Variants in RFTN2 observed in about 807,000 individuals in gnomAD.
RFTN2 encodes raftlin family member 2, also known as raftlin-2.
RFTN2 carries 34 observed loss-of-function variants against 52.7 expected under a neutral mutation model. That is an observed-to-expected ratio of 0.64 (90% CI 0.49 to 0.86). The LOEUF (loss-of-function observed/expected upper bound fraction) is 0.86, where lower values mean the gene tolerates loss of function less well. Among genes scored for constraint, RFTN2 ranks in the 40% least tolerant of loss-of-function variants. The pLI is 0.00. For missense variants in RFTN2, 536 were observed against 600.1 expected (o/e 0.89, Z 1.12); for synonymous variants, 203 against 217.7 (o/e 0.93, Z 0.59).
chr2:197,589,728 A>T (rs1574685645), intron 8 of RFTN2, among the ~76,000 whole-genome samples: 2 of 152,010 alleles, frequency 1.3e-5, no homozygotes, highest in Non-Finnish European at 2.9e-5. Context: ...CAATTGTGAG[A>T]GTCCTTGATA....
intron 8 of RFTN2, among the ~76,000 whole-genome samples, chr2:197,589,487 A>G (rs1422786552): frequency 1.3e-5 from 2 of 152,172 alleles, no homozygotes; most frequent in African/African-American, 2.4e-5. Flanking sequence ...GCAGCTGTGT[A>G]TGAGGGTTCT....
At chr2:197,627,053 C>A (rs1023525347) in intron 5 of RFTN2, among the ~76,000 whole-genome samples, 2 of 152,118 alleles carry the variant, frequency 1.3e-5, no homozygotes, top group Admixed American at 6.5e-5. Context: ...TGTTTAGGAC[C>A]CTGTAGGGAC....
intron 8 of RFTN2, among the ~76,000 whole-genome samples, chr2:197,577,184 C>G (rs1184627410): frequency 6.6e-6 from 1 of 152,226 alleles, no homozygotes; most frequent in African/African-American, 2.4e-5. Context: ...AAACTGTGCT[C>G]TGACAACCTT....
chr2:197,605,774 A>T (rs2087952259), intron 7 of RFTN2, among the ~76,000 whole-genome samples: 1 of 152,144 alleles, frequency 6.6e-6, no homozygotes, highest in African/African-American at 2.4e-5. Context: ...CTACCAACAG[A>T]TTAGTGCTGG....
intron 1 of RFTN2, among the ~76,000 whole-genome samples, chr2:197,669,540 G>A (rs2089113994): frequency 6.6e-6 from 1 of 152,190 alleles, no homozygotes; most frequent in African/African-American, 2.4e-5. Flanking sequence ...ACAGATGTGG[G>A]TGGGGAGTGG....
Position 197,675,432 on chromosome 2 carries a change from T to TTAG in RFTN2, c.26_27insCTA (p.Glu9delinsAspTer). 6.3e-7 allele frequency: 1 copy of TTAG among 1,597,636 alleles called. No individual in the cohort carries two copies. On this transcript the variant is annotated stop_gained and protein_altering_variant, in exon 1 of 9. Coordinates refer to ENST00000295049, the MANE Select transcript of RFTN2 (RefSeq NM_144629.3). LOFTEE classifies it high-confidence loss of function. ...TTCCAGGGCTGCTATCATCAGGGTCTTCTAGCTTTCTAAGTCCGCACCCCA... is the reference window on the plus strand; with the variant it reads ...TTCCAGGGCTGCTATCATCAGGGTCTTAGTCTAGCTTTCTAAGTCCGCACCCCA...
intron 8 of RFTN2, among the ~76,000 whole-genome samples, chr2:197,590,832 A>ACC (rs2087696990): frequency 1.3e-5 from 2 of 152,058 alleles, no homozygotes; most frequent in African/African-American, 4.8e-5. Context: ...GAAGCTGCAG[A>ACC]CCTTCGCAGT....
At chr2:197,624,745 G>C (rs766600373) in intron 5 of RFTN2, among the ~76,000 whole-genome samples, 3 of 152,012 alleles carry the variant, frequency 2.0e-5, no homozygotes, top group Non-Finnish European at 4.4e-5. Context: ...TGGATCACTT[G>C]AGTTCAGGAG....
chr2:197,634,609 T>C (rs565168850), intron 3 of RFTN2, among the ~76,000 whole-genome samples: 26 of 152,214 alleles, frequency 1.7e-4, no homozygotes, highest in African/African-American at 5.3e-4. Context: ...GATTAAATCC[T>C]ATCAGTTAAA....
chr2:197,659,209 G>A (rs750097569), intron 1 of RFTN2, among the ~76,000 whole-genome samples: 4 of 152,020 alleles, frequency 2.6e-5, no homozygotes, highest in Non-Finnish European at 5.9e-5. Context: ...AAATACTTAT[G>A]AAATATTAGG....
chr2:197,654,023 C>CA (rs2088859075), intron 1 of RFTN2, among the ~76,000 whole-genome samples: 2 of 152,136 alleles, frequency 1.3e-5, no homozygotes, highest in Admixed American at 1.3e-4. Flanking sequence ...CAAATAAATA[C>CA]AATGAAAAGA....
intron 1 of RFTN2, among the ~76,000 whole-genome samples, chr2:197,664,624 C>CA (rs1184950640): frequency 2.4e-4 from 36 of 148,176 alleles, no homozygotes; most frequent in Admixed American, 4.0e-4. Flanking sequence ...ACAAAAATTA[C>CA]AAAAAAAAAA....
chr2:197,662,916 G>A (rs2088999457), intron 1 of RFTN2, among the ~76,000 whole-genome samples: 1 of 152,052 alleles, frequency 6.6e-6, no homozygotes, highest in South Asian at 2.1e-4. Context: ...ATGAGCCACT[G>A]CACCTGGCCC....
At chr2:197,588,859 A>C (rs1435445354) in intron 8 of RFTN2, among the ~76,000 whole-genome samples, 1 of 152,136 alleles carries the variant, frequency 6.6e-6, no homozygotes, top group Non-Finnish European at 1.5e-5. Flanking sequence ...ATGGGAGATA[A>C]TTGAATCACA....
chr2:197,589,357 C>T (rs1017621144), intron 8 of RFTN2, among the ~76,000 whole-genome samples: 1 of 151,626 alleles, frequency 6.6e-6, no homozygotes, highest in African/African-American at 2.4e-5. Flanking sequence ...CCTCCTCAGC[C>T]ATGAGGAACT....
chr2:197,626,489 A>G (rs1017888041), intron 5 of RFTN2, among the ~76,000 whole-genome samples: 6 of 151,856 alleles, frequency 4.0e-5, no homozygotes, highest in African/African-American at 1.2e-4. Context: ...GCCTCGGCCC[A>G]GGAGTTCAAG....
chr2:197,589,575 T>C (rs2106179157), intron 8 of RFTN2, among the ~76,000 whole-genome samples: 1 of 152,346 alleles, frequency 6.6e-6, no homozygotes, highest in South Asian at 2.1e-4. Context: ...GTATGATATC[T>C]CATTATGAGT....
chr2:197,658,531 C>T (rs537854898), intron 1 of RFTN2, among the ~76,000 whole-genome samples: 19 of 151,862 alleles, frequency 1.3e-4, no homozygotes, highest in African/African-American at 3.9e-4. Context: ...AGGCTATCCT[C>T]GTTCCTAGAC....
At chr2:197,618,566 G>T (rs1184992834) in intron 5 of RFTN2, among the ~76,000 whole-genome samples, 1 of 151,790 alleles carries the variant, frequency 6.6e-6, no homozygotes, top group Non-Finnish European at 1.5e-5. Flanking sequence ...GATGTGAGGA[G>T]CCCCTCTGCC....
Sources: gnomAD v4.1 joint callset for allele counts (sites outside exome capture counted in the v4.1 genomes callset) on GRCh38, gnomAD v4.1.1 for gene constraint, MANE v1.5 for transcripts, NCBI Gene and HGNC (gene_info 2026-07-23, HGNC 2026-07-21) for gene names.